Variants in THAP12 observed in about 807,000 individuals in gnomAD.
THAP12 encodes 52 kDa repressor of the inhibitor of the protein kinase.
Under a neutral mutation model 63.0 loss-of-function variants are expected in THAP12, and 20 were observed. The observed-to-expected ratio is 0.32, with a 90% confidence interval of 0.22 to 0.46. The LOEUF is 0.46. Among genes scored for constraint, THAP12 ranks in the 20% least tolerant of loss-of-function variants. The pLI is 1.00. For missense variants in THAP12, 568 were observed against 908.2 expected (o/e 0.63, Z 4.81); for synonymous variants, 264 against 328.4 (o/e 0.80, Z 2.12).
intron 3 of THAP12, 95 bp from the exon 4 acceptor site, chr11:76,355,749 C>G: frequency 3.1e-6 from 3 of 982,366 alleles, no homozygotes; most frequent in East Asian, 5.3e-5. Flanking sequence ...AATGCCTATT[C>G]TGAGTCAATT....
intron 3 of THAP12, chr11:76,358,463 T>C (rs1047038821): frequency 1.3e-5 from 2 of 152,160 alleles, no homozygotes; most frequent in African/African-American, 4.8e-5. Context: ...AAAAATGAAC[T>C]TGTCTATTAA....
At chr11:76,375,186 G>C (rs1946700704) in intron 1 of THAP12, among the ~76,000 whole-genome samples, 1 of 152,144 alleles carries the variant, frequency 6.6e-6, no homozygotes, top group South Asian at 2.1e-4. Flanking sequence ...AAGAACCTTG[G>C]AAGCCCTCAC....
rs1014263530 is a variant in THAP12, at chr11:76,377,066, G to A, written c.89+3682C>T. Among the ~76,000 whole-genome samples, 5 of 152,150 alleles carry A rather than the reference G, an allele frequency of 3.3e-5. No homozygotes were observed. In the East Asian group the frequency reaches 7.7e-4, roughly 23 times the overall value. On this transcript the variant is annotated intron_variant, in intron 1 of 4. Transcript: ENST00000260045. Reference sequence around the variant, plus strand: ...TCTCGGAACTTAAAACACTGGGAATGCCCCAGGACTCAATCCTCAGATCTG... The same window carrying A: ...TCTCGGAACTTAAAACACTGGGAATACCCCAGGACTCAATCCTCAGATCTG...
chr11:76,369,125 A>G (rs1946652758), intron 1 of THAP12, among the ~76,000 whole-genome samples: 1 of 152,202 alleles, frequency 6.6e-6, no homozygotes, highest in Non-Finnish European at 1.5e-5. Context: ...AAATGGCAAT[A>G]CATAGATGAA....
intron 1 of THAP12, among the ~76,000 whole-genome samples, chr11:76,374,283 C>T (rs1946693621): frequency 6.6e-6 from 1 of 151,508 alleles, no homozygotes; most frequent in South Asian, 2.1e-4. Context: ...CTATCTTGCA[C>T]TTTTATCCAT....
chr11:76,377,058 C>T (rs1234746526), intron 1 of THAP12, among the ~76,000 whole-genome samples: 3 of 152,190 alleles, frequency 2.0e-5, no homozygotes, highest in Non-Finnish European at 4.4e-5. Flanking sequence ...ACTTAAAACA[C>T]TGGGAATGCC....
chr11:76,379,525 CCT>C (rs1457330252), intron 1 of THAP12, among the ~76,000 whole-genome samples: 2 of 152,176 alleles, frequency 1.3e-5, no homozygotes, highest in Non-Finnish European at 2.9e-5. Flanking sequence ...TCCTGGTTGC[CCT>C]GTCTTTGCCT....
At chr11:76,370,730 G>A (rs1425456157) in intron 1 of THAP12, among the ~76,000 whole-genome samples, 8 of 150,604 alleles carry the variant, frequency 5.3e-5, no homozygotes, top group African/African-American at 2.0e-4. Context: ...GCTGAGGTAG[G>A]AGAATCACTT....
At chr11:76,366,705 C>T (rs1484674817) in intron 1 of THAP12, among the ~76,000 whole-genome samples, 1 of 151,556 alleles carries the variant, frequency 6.6e-6, no homozygotes, top group Non-Finnish European at 1.5e-5. Context: ...AAATCAGCAA[C>T]TAGATGTTCT....
At chr11:76,376,887 G>A (rs997368891) in intron 1 of THAP12, among the ~76,000 whole-genome samples, 2 of 152,108 alleles carry the variant, frequency 1.3e-5, no homozygotes, top group African/African-American at 2.4e-5. Context: ...CCCTCATTAT[G>A]GAAGTGAAAT....
intron 1 of THAP12, among the ~76,000 whole-genome samples, chr11:76,372,446 G>T (rs934496738): frequency 3.3e-5 from 5 of 151,062 alleles, no homozygotes; most frequent in African/African-American, 9.8e-5. Flanking sequence ...GCCTCAATCT[G>T]TCGCCCAGGC....
intron 4 of THAP12, among the ~76,000 whole-genome samples, chr11:76,353,095 C>T (rs1180794281): frequency 6.6e-6 from 1 of 151,802 alleles, no homozygotes; most frequent in Non-Finnish European, 1.5e-5. Flanking sequence ...CTATGTTGCC[C>T]AGGCTGGTCT....
At position 76,381,080 on chromosome 11, in the gene THAP12, C is replaced by T. The variant is rs1306497819; in HGVS notation, c.-244G>A. 1 of 191,830 alleles carries T rather than the reference C, an allele frequency of 5.2e-6. No individual in the cohort carries two copies. The allele number at this position is 191,830 out of a possible 1,614,324, so 11.9% of individuals were successfully genotyped here. ...CGGGAGGATTTACCGCCGCCGCCGC[C>T]GCTGGTGCACCTCCCGCCCGCCCGA... On this transcript the variant is annotated 5_prime_UTR_variant, in exon 1 of 5. Coordinates refer to ENST00000260045, the MANE Select transcript of THAP12 (RefSeq NM_004705.4).
chr11:76,370,230 T>A (rs907647683), intron 1 of THAP12, among the ~76,000 whole-genome samples: 1 of 152,170 alleles, frequency 6.6e-6, no homozygotes. Flanking sequence ...GGGAGAACCA[T>A]GAAGCAGAGG....
At chr11:76,370,368 G>T (rs75691790) in intron 1 of THAP12, among the ~76,000 whole-genome samples, 12 of 151,978 alleles carry the variant, frequency 7.9e-5, no homozygotes, top group South Asian at 2.1e-4. Flanking sequence ...TGTTTTTTGG[G>T]GTTTTTTTTT....
chr11:76,359,162 T>C (rs904814368), intron 3 of THAP12: 5 of 152,308 alleles, frequency 3.3e-5, no homozygotes, highest in African/African-American at 1.2e-4. Flanking sequence ...AGAACCATAA[T>C]GTATTTAAGA....
At chr11:76,353,839 T>A (rs1946543169) in intron 4 of THAP12, among the ~76,000 whole-genome samples, 2 of 152,166 alleles carry the variant, frequency 1.3e-5, no homozygotes. Flanking sequence ...TGAAACCCCA[T>A]CTCTACTAAA....
In THAP12 at chr11:76,351,063, C is replaced by A. The variant is rs34345847; in HGVS notation, c.2087G>T (p.Arg696Leu). 4.4e-6 allele frequency: 7 copies of A among 1,590,960 alleles called. No individual in the cohort carries two copies. Among genetic ancestry groups the A allele is most frequent in the Non-Finnish European group, 6.0e-6 (7 of 1,161,568 alleles). Residue 696 changes from arginine to leucine, a missense_variant, in exon 5 of 5, where the codon CGG (arginine) becomes CTG (leucine). Arg to Leu is a moderately radical substitution (Grantham distance 102). Coordinates refer to ENST00000260045, the MANE Select transcript of THAP12 (RefSeq NM_004705.4). ...AAGACGCTTTCGTCCATTTTCATAC[C>A]GCTCATTCTCAACCTTCATCACAGG... ...ILPVMKVENERYENGRKRLKA... is the reference protein window; with the variant it reads ...ILPVMKVENELYENGRKRLKA...
rs74715587 is a variant in THAP12, at chr11:76,368,061, C to T, written c.90-2089G>A. On this transcript the variant is annotated intron_variant, in intron 1 of 4. Coordinates refer to ENST00000260045, the MANE Select transcript of THAP12 (RefSeq NM_004705.4). ...CACTATAAAATAATTTGCCATACTG[C>T]TACAGTTGTTTGTTTTTTAAATTCT... Among the ~76,000 whole-genome samples the T allele has an allele frequency of 1.6e-4, 25 of 152,282 alleles. No individual in the cohort carries two copies. The East Asian group carries it at 3.3e-3, about 20-fold the overall frequency.
Sources: allele counts gnomAD v4.1 joint callset (sites outside exome capture counted in the v4.1 genomes callset), GRCh38; gene constraint gnomAD v4.1.1; transcripts MANE v1.5; gene names NCBI Gene and HGNC (gene_info 2026-07-23, HGNC 2026-07-21).